Variants in WDFY2 observed in about 807,000 individuals in gnomAD.
WDFY2 encodes the protein WD repeat and FYVE domain containing 2.
A neutral mutation model predicts 56.4 loss-of-function variants in WDFY2; 36 were observed. The ratio of observed to expected loss-of-function variants is 0.64; its 90% confidence interval spans 0.49 to 0.84. WDFY2 has a LOEUF of 0.84. Among genes scored for constraint, WDFY2 ranks in the 40% least tolerant of loss-of-function variants. WDFY2 has a pLI of 0.00. For missense variants in WDFY2, 444 were observed against 512.2 expected (o/e 0.87, Z 1.29); for synonymous variants, 176 against 183.7 (o/e 0.96, Z 0.34).
In WDFY2 at chr13:51,734,679, T is replaced by G. The variant is rs556011171; in HGVS notation, c.599-4370T>G. On this transcript the variant is annotated intron_variant, in intron 6 of 11. Coordinates refer to ENST00000298125, the MANE Select transcript of WDFY2 (RefSeq NM_052950.4). ...TGCCTCTATCCATTTCCAGAACTTC[T>G]TCATCATCCTTAATAGAAGACCTGT... is the stretch of plus-strand genomic sequence containing the variant. Among the ~76,000 whole-genome samples, 244 of 152,306 alleles carry G rather than the reference T, an allele frequency of 1.6e-3. 1 individual carries two copies. The highest frequency in any genetic ancestry group is 5.5e-3 in the African/African-American group (228 of 41,552).
At chr13:51,720,156 A>C (rs1318519749) in intron 5 of WDFY2, among the ~76,000 whole-genome samples, 1 of 152,230 alleles carries the variant, frequency 6.6e-6, no homozygotes, top group Non-Finnish European at 1.5e-5. Context: ...AGAAACAGTA[A>C]GTCCTGCTTT....
At chr13:51,725,087 T>G (rs1334269213) in intron 5 of WDFY2, among the ~76,000 whole-genome samples, 1 of 152,266 alleles carries the variant, frequency 6.6e-6, no homozygotes, top group Non-Finnish European at 1.5e-5. Flanking sequence ...ATAATATTTC[T>G]TATTCAAATT....
intron 7 of WDFY2, among the ~76,000 whole-genome samples, chr13:51,746,603 A>G (rs754251143): frequency 2.0e-5 from 3 of 152,262 alleles, no homozygotes; most frequent in Non-Finnish European, 2.9e-5. Flanking sequence ...GATGCAAATA[A>G]CTATGTTTCC....
At chr13:51,690,184 TTA>T (rs1195707957) in intron 3 of WDFY2, among the ~76,000 whole-genome samples, 1 of 2,908 alleles carries the variant, frequency 3.4e-4, no homozygotes, top group Non-Finnish European at 1.9e-3. Flanking sequence ...ATTTAGATCA[TTA>T]TATATATATA....
At chr13:51,618,347 GGA>G (rs1361535627) in intron 1 of WDFY2, among the ~76,000 whole-genome samples, 4 of 152,164 alleles carry the variant, frequency 2.6e-5, no homozygotes, top group Admixed American at 6.5e-5. Flanking sequence ...GATAATAAAT[GGA>G]GAATTGACAG....
chr13:51,758,415 G>A (rs1190260246), intron 11 of WDFY2, 115 bp downstream of exon 11: 9 of 645,904 alleles, frequency 1.4e-5, no homozygotes, highest in African/African-American at 1.3e-4. Context: ...GCCGGCCATG[G>A]TGGCATGTGT....
At chr13:51,757,276 A>G (rs560859523) in intron 10 of WDFY2, among the ~76,000 whole-genome samples, 31 of 152,330 alleles carry the variant, frequency 2.0e-4, no homozygotes, top group Admixed American at 4.6e-4. Context: ...GAGTTTTCTC[A>G]TTGAATTAGA....
chr13:51,735,437 T>C (rs1244617590), intron 6 of WDFY2, among the ~76,000 whole-genome samples: 5 of 152,114 alleles, frequency 3.3e-5, no homozygotes, highest in Non-Finnish European at 5.9e-5. Context: ...TTCACCTGGA[T>C]TGAAGGTGTT....
intron 1 of WDFY2, among the ~76,000 whole-genome samples, chr13:51,613,422 G>T (rs1024312980): frequency 4.6e-5 from 7 of 152,070 alleles, no homozygotes; most frequent in African/African-American, 1.4e-4. Context: ...ACTAAAACAG[G>T]ACTACATTTT....
At chr13:51,724,800 A>G (rs1255242503) in intron 5 of WDFY2, among the ~76,000 whole-genome samples, 2 of 152,222 alleles carry the variant, frequency 1.3e-5, no homozygotes, top group Non-Finnish European at 1.5e-5. Context: ...AAAGACATGT[A>G]TCTGCCATTG....
chr13:51,587,549 G>C (rs1364005593), intron 1 of WDFY2: 1 of 152,208 alleles, frequency 6.6e-6, no homozygotes, highest in African/African-American at 2.4e-5. Flanking sequence ...TACTGGACTA[G>C]GTGGACTTTA....
intron 7 of WDFY2, among the ~76,000 whole-genome samples, chr13:51,741,871 C>T (rs559355685): frequency 2.6e-5 from 4 of 152,254 alleles, no homozygotes; most frequent in African/African-American, 9.6e-5. Flanking sequence ...TATACCCAGC[C>T]CTCAGTAAGG....
intron 1 of WDFY2, among the ~76,000 whole-genome samples, chr13:51,596,437 T>C (rs578170168): frequency 1.3e-5 from 2 of 152,308 alleles, no homozygotes; most frequent in Admixed American, 1.3e-4. Flanking sequence ...ATCTTTGAGT[T>C]CGATGTGGAT....
At position 51,727,622 on chromosome 13, in the gene WDFY2, C is replaced by T; in HGVS notation, c.486-56C>T. 3.9e-6 allele frequency: 6 copies of T among 1,535,062 alleles called. No individual in the cohort carries two copies. The Admixed American group carries it at 5.4e-5, about 14-fold the overall frequency. ...TTGTTACATTTATGCCCTGTTTTTT[C>T]ATTGTAAATTCCCTCATTTAATTTT... On this transcript the variant is annotated intron_variant, in intron 5 of 11. Coordinates refer to ENST00000298125, the MANE Select transcript of WDFY2 (RefSeq NM_052950.4).
At chr13:51,708,703 A>AAC (rs1952143835) in intron 4 of WDFY2, among the ~76,000 whole-genome samples, 1 of 152,170 alleles carries the variant, frequency 6.6e-6, no homozygotes, top group African/African-American at 2.4e-5. Flanking sequence ...AAATGATCTA[A>AAC]AGGCAATTAA....
intron 1 of WDFY2, among the ~76,000 whole-genome samples, chr13:51,616,509 C>T (rs1461102262): frequency 6.6e-6 from 1 of 152,006 alleles, no homozygotes; most frequent in Admixed American, 6.6e-5. Context: ...GGCTTTTAAC[C>T]CAAAGATTTA....
rs1213917980 is a variant in WDFY2, at chr13:51,760,796, C to T, written c.*1027C>T. ...TGCGCAGTTCACAATAGAGTTTCTGCTCCTGTGAGAATCTGACGCCACCGC... is the reference window on the plus strand; with the variant it reads ...TGCGCAGTTCACAATAGAGTTTCTGTTCCTGTGAGAATCTGACGCCACCGC... On this transcript the variant is annotated 3_prime_UTR_variant, in exon 12 of 12. Coordinates refer to ENST00000298125, the MANE Select transcript of WDFY2 (RefSeq NM_052950.4). 6.6e-6 allele frequency: 1 copy of T among 152,312 alleles called. No individual in the cohort carries two copies. Among genetic ancestry groups the T allele is most frequent in the African/African-American group, 2.4e-5 (1 of 41,452 alleles). The allele number at this position is 152,312 out of a possible 1,614,324, so 9.4% of individuals were successfully genotyped here.
intron 1 of WDFY2, 41 bp downstream of exon 1, chr13:51,584,865 G>T: frequency 6.2e-7 from 1 of 1,608,212 alleles, no homozygotes; most frequent in South Asian, 1.1e-5. Flanking sequence ...GGGGCGGGAC[G>T]GGCCGACGGC....
chr13:51,613,958 G>T (rs1328224091), intron 1 of WDFY2, among the ~76,000 whole-genome samples: 1 of 151,904 alleles, frequency 6.6e-6, no homozygotes, highest in South Asian at 2.1e-4. Context: ...AGGCTGAGGC[G>T]AGTGGATCAT....
Sources: allele counts gnomAD v4.1 joint callset (sites outside exome capture counted in the v4.1 genomes callset), GRCh38; gene constraint gnomAD v4.1.1; transcripts MANE v1.5; gene names NCBI Gene and HGNC (gene_info 2026-07-23, HGNC 2026-07-21).